Variants in TP53I11 observed in about 807,000 individuals in gnomAD.
TP53I11 encodes tumor protein p53-inducible protein 11.
TP53I11 carries 9 observed loss-of-function variants against 23.3 expected under a neutral mutation model. The observed-to-expected ratio is 0.39, with a 90% CI of 0.23 to 0.67. The LOEUF is 0.67. TP53I11 is among the 30% of genes least tolerant of loss of function. TP53I11 has a pLI of 0.48. For synonymous variants in TP53I11, 100 were observed against 106.1 expected (o/e 0.94, Z 0.35); for missense variants, 170 against 255.2 (o/e 0.67, Z 2.27).
rs1861085438 is a variant in TP53I11 at position 44,936,130 on chromosome 11, G to A, written c.335-468C>T. On this transcript the variant is annotated intron_variant, in intron 5 of 6. Transcript: ENST00000525680. This position sits in a 1 kb window ranked among gnomAD's most constrained non-coding sequence, Gnocchi z 4.4. ...TTAAGGAAGTCCCCTGGGGGAGGGG[G>A]ATGAACCATACTTTTTAGCAGAAGA... 5.0e-6 allele frequency: 4 copies of A among 800,714 alleles called. No individual in the cohort carries two copies. Among genetic ancestry groups the A allele is most frequent in the Non-Finnish European group, 6.1e-6 (4 of 653,622 alleles). The allele number at this position is 800,714 out of a possible 1,614,324, so 49.6% of individuals were successfully genotyped here. A position where few individuals can be genotyped will look rare whatever the true frequency, so the allele number is the denominator to read the frequency against.
chr11:44,938,063 C>G (rs1861355967), intron 2 of TP53I11, 144 bp downstream of exon 2: 5 of 1,207,870 alleles, frequency 4.1e-6, no homozygotes, highest in Non-Finnish European at 5.5e-6. Flanking sequence ...CGTTATTCCC[C>G]TGGCATTGCT....
At chr11:44,947,505 CGAAGGGAT>C (rs1862507474) in intron 1 of TP53I11, among the ~76,000 whole-genome samples, 1 of 152,182 alleles carries the variant, frequency 6.6e-6, no homozygotes, top group South Asian at 2.1e-4. Context: ...GGAGCTTCCT[CGAAGGGAT>C]GCTCCACATT....
In TP53I11 at chr11:44,933,591, C is replaced by A. The variant is rs2135406241; in HGVS notation, c.*1293G>T. 6.4e-6 allele frequency: 1 copy of A among 157,014 alleles called. No homozygotes were observed. The highest frequency in any genetic ancestry group is 1.4e-5 in the Non-Finnish European group (1 of 71,062). The allele number at this position is 157,014 out of a possible 1,614,324, so 9.7% of individuals were successfully genotyped here. ...TGGGTATGCAGCACAGGCTGGTGGG[C>A]CCTCAGGGAGAAGCTGGGCGGTGGG... is the stretch of plus-strand genomic sequence containing the variant. On this transcript the variant is annotated 3_prime_UTR_variant, in exon 7 of 7. Coordinates refer to ENST00000525680, the MANE Select transcript of TP53I11 (RefSeq NM_006034.5).
intron 6 of TP53I11, 83 bp downstream of exon 6, chr11:44,935,478 C>T (rs1860992955): frequency 3.1e-6 from 4 of 1,300,718 alleles, no homozygotes; most frequent in Non-Finnish European, 3.3e-6. Flanking sequence ...TTCATCACTT[C>T]CCACACACCC....
chr11:44,938,110 T>C, intron 2 of TP53I11, 97 bp downstream of exon 2: 1 of 1,441,316 alleles, frequency 6.9e-7, no homozygotes, highest in Non-Finnish European at 9.1e-7. Flanking sequence ...GTCCTAGAAC[T>C]CCTGCGGCTA....
At chr11:44,940,323 A>G (rs1019366014) in intron 1 of TP53I11, among the ~76,000 whole-genome samples, 1 of 152,192 alleles carries the variant, frequency 6.6e-6, no homozygotes, top group African/African-American at 2.4e-5. Context: ...GAATGTTAGC[A>G]CACGTATAGA....
intron 1 of TP53I11, among the ~76,000 whole-genome samples, chr11:44,946,137 C>T (rs367577464): frequency 6.6e-6 from 1 of 152,166 alleles, no homozygotes; most frequent in South Asian, 2.1e-4. Context: ...ACAAGGCTGT[C>T]CGGGGGCTAG....
At chr11:44,950,655 G>A (rs2076884816) in intron 1 of TP53I11, 22 bp downstream of exon 1, 1 of 152,160 alleles carries the variant, frequency 6.6e-6, no homozygotes, top group Non-Finnish European at 1.5e-5. Context: ...GCTCGGAAGC[G>A]GCGGCGGGGA....
In TP53I11 at chr11:44,934,272, T is replaced by C. The variant is rs1860839612; in HGVS notation, c.*612A>G. The C allele has an allele frequency of 6.5e-6, 1 of 152,842 alleles. No individual in the cohort carries two copies. Among genetic ancestry groups the C allele is most frequent in the African/African-American group, 2.4e-5 (1 of 41,428 alleles). The allele number at this position is 152,842 out of a possible 1,614,324, so 9.5% of individuals were successfully genotyped here. On this transcript the variant is annotated 3_prime_UTR_variant, in exon 7 of 7. Coordinates refer to ENST00000525680, the MANE Select transcript of TP53I11 (RefSeq NM_006034.5). ...GCTATGAAGGCGCACGTGTGTGTGTTTGCTCACATCATGGGTGTATGTGTG... is the reference window on the plus strand; with the variant it reads ...GCTATGAAGGCGCACGTGTGTGTGTCTGCTCACATCATGGGTGTATGTGTG...
At chr11:44,947,746 T>C (rs1009188741) in intron 1 of TP53I11, among the ~76,000 whole-genome samples, 29 of 152,324 alleles carry the variant, frequency 1.9e-4, no homozygotes, top group Admixed American at 1.5e-3. Flanking sequence ...ATGAGCTGTA[T>C]GCCTTTGGGC....
chr11:44,937,940 A>T (rs1290052189), intron 2 of TP53I11, among the ~76,000 whole-genome samples: 1 of 152,208 alleles, frequency 6.6e-6, no homozygotes, highest in Non-Finnish European at 1.5e-5. Context: ...TTCCTCATCT[A>T]TAAAATGGGT....
chr11:44,935,196 G>C (rs528319328), intron 6 of TP53I11, among the ~76,000 whole-genome samples, 179 bp from the exon 7 acceptor site: 8 of 152,328 alleles, frequency 5.3e-5, no homozygotes, highest in Middle Eastern at 3.4e-3. Flanking sequence ...AGATGTTTCT[G>C]CTCTGATGTC....
rs530472113 is a variant in TP53I11 at position 44,933,089 on chromosome 11, T to G, written c.*1795A>C. The stretch of plus-strand genomic sequence containing the variant: ...CAGGGCTCGGCAGCAGGGAGGCAGC[T>G]CTTTAGGGAGAGGCACAGGCTTAGG... On this transcript the variant is annotated 3_prime_UTR_variant, in exon 7 of 7. Transcript: ENST00000525680. 6.6e-6 allele frequency: 1 copy of G among 152,378 alleles called. No individual in the cohort carries two copies. 9.4% of individuals were successfully genotyped at this position (152,378 alleles called of 1,614,324 possible). A position where few individuals can be genotyped will look rare whatever the true frequency, so the allele number is the denominator to read the frequency against.
At chr11:44,935,111 C>T (rs1308820375) in intron 6 of TP53I11, 94 bp from the exon 7 acceptor site, 7 of 1,566,344 alleles carry the variant, frequency 4.5e-6, no homozygotes, top group Admixed American at 1.7e-5. Context: ...TGGCCGTCTC[C>T]CTGACTTTGC....
At chr11:44,937,957 T>C (rs114993038) in intron 2 of TP53I11, among the ~76,000 whole-genome samples, 237 of 152,292 alleles carry the variant, frequency 1.6e-3, no homozygotes, top group African/African-American at 5.2e-3. Context: ...GGGTGAATGA[T>C]TTTACAGTAT....
intron 1 of TP53I11, chr11:44,947,190 T>A (rs190031946): frequency 2.2e-6 from 1 of 450,190 alleles, no homozygotes; most frequent in African/African-American, 2.0e-5. Context: ...ACTGGGAGGT[T>A]TTTCCTGTCT....
intron 1 of TP53I11, among the ~76,000 whole-genome samples, chr11:44,942,042 T>TACGCAC (rs1861838579): frequency 5.8e-4 from 5 of 8,642 alleles, no homozygotes; most frequent in African/African-American, 2.0e-3. Flanking sequence ...ACCACACACA[T>TACGCAC]ACACACCACA....
At chr11:44,942,429 T>C (rs796167315) in intron 1 of TP53I11, among the ~76,000 whole-genome samples, 2 of 146,170 alleles carry the variant, frequency 1.4e-5, no homozygotes, top group South Asian at 4.4e-4. Flanking sequence ...ACACACACCA[T>C]ACACACACAC....
intron 1 of TP53I11, among the ~76,000 whole-genome samples, chr11:44,946,599 C>G (rs1252391646): frequency 6.6e-6 from 1 of 152,222 alleles, no homozygotes; most frequent in Non-Finnish European, 1.5e-5. Flanking sequence ...GTTCCACGCC[C>G]CATTTCCAAG....
Sources: gnomAD v4.1 joint callset for allele counts (sites outside exome capture counted in the v4.1 genomes callset) on GRCh38, gnomAD v4.1.1 for gene constraint, Gnocchi (gnomAD v3.1) non-coding constraint, MANE v1.5 for transcripts, NCBI Gene and HGNC (gene_info 2026-07-23, HGNC 2026-07-21) for gene names.